INSRR: variants seen among roughly 807,000 people sequenced by gnomAD.
INSRR encodes the protein insulin receptor related receptor.
In INSRR, 114 loss-of-function variants were observed where a neutral mutation model predicts 130.0. The observed-to-expected ratio is 0.88, with a 90% CI of 0.75 to 1.02. The LOEUF (loss-of-function observed/expected upper bound fraction) is 1.02. Ranked by LOEUF, INSRR falls within the 50% of genes least tolerant of loss-of-function variation. INSRR has a pLI of 0.00. For missense variants in INSRR, 1,657 were observed against 1,735.2 expected (o/e 0.95, Z 0.80); for synonymous variants, 674 against 705.2 (o/e 0.96, Z 0.70).
At chr1:156,851,253 T>A in intron 5 of INSRR, 37 bp downstream of exon 5, 1 of 1,611,010 alleles carries the variant, frequency 6.2e-7, no homozygotes, top group Non-Finnish European at 8.5e-7. Context: ...GAGGAAGGAG[T>A]GTAATAGAAG....
chr1:156,841,916 A>G, intron 19 of INSRR, 122 bp from the exon 20 acceptor site: 2 of 1,575,188 alleles, frequency 1.3e-6, no homozygotes, highest in South Asian at 2.2e-5. Flanking sequence ...CCTGGAAAGT[A>G]GGGGCTCAAT....
At chr1:156,858,464 C>T in intron 1 of INSRR, 73 bp downstream of exon 1, 1 of 1,136,104 alleles carries the variant, frequency 8.8e-7, no homozygotes, top group South Asian at 1.2e-5. Flanking sequence ...GCTGTGGCTG[C>T]AAGCTCAGTT....
At position 156,854,343 on chromosome 1, in the gene INSRR, G is replaced by T. The variant is rs1655338633; in HGVS notation, c.86-40C>A. 6.5e-7 allele frequency: 1 copy of T among 1,547,716 alleles called. No homozygotes were observed. Among genetic ancestry groups the T allele is most frequent in the Non-Finnish European group, 8.7e-7 (1 of 1,146,102 alleles). ...GGCACGCAGCATTGAGTACAGCCCAGGCCAAATTCCCCATCCAGCCCTGGC... is the reference window on the plus strand; with the variant it reads ...GGCACGCAGCATTGAGTACAGCCCATGCCAAATTCCCCATCCAGCCCTGGC... On this transcript the variant is annotated intron_variant, in intron 1 of 21. Coordinates refer to ENST00000368195, the MANE Select transcript of INSRR (RefSeq NM_014215.3). The surrounding 1 kb of genome is among the most constrained non-coding windows in gnomAD (Gnocchi z 4.2).
chr1:156,841,375 G>A lies in INSRR; in HGVS notation c.3662+19C>T. 1.2e-6 allele frequency: 2 copies of A among 1,611,690 alleles called. No homozygotes were observed. The highest frequency in any genetic ancestry group is 1.7e-6 in the Non-Finnish European group (2 of 1,178,062). On this transcript the variant is annotated intron_variant, in intron 21 of 21. Coordinates refer to ENST00000368195, the MANE Select transcript of INSRR (RefSeq NM_014215.3). ...GTAGGTAGATCAACAATGAGGAAGG[G>A]GCAGGGGAGGTGACTCACAGCTGAA...
At position 156,841,405 on chromosome 1, in the gene INSRR, A is replaced by G; in HGVS notation, c.3651T>C (p.Cys1217=). Residue 1217 remains cysteine, a synonymous_variant, in exon 21 of 22, where the codon TGT becomes TGC. Transcript: ENST00000368195. ...GGGAGGTGACTCACAGCTGAAGGGG[A>G]CAGCCCTCCAGCTCCTCCAGGACCC... The part of the protein sequence containing the change: ...DGGVLEELEG[C]PLQLQELMSR... The G allele has an allele frequency of 2.5e-6, 4 of 1,613,464 alleles. 1 individual carries two copies. The highest frequency in any genetic ancestry group is 1.7e-5 in the Admixed American group (1 of 59,988).
At position 156,842,216 on chromosome 1, in the gene INSRR, T is replaced by C. The variant is rs1183916812; in HGVS notation, c.3293A>G (p.Glu1098Gly). ...ALGEMIQMAG[E>G]IADGMAYLAA... The stretch of plus-strand genomic sequence containing the variant: ...AAGGTAGGCCATGCCGTCTGCAATC[T>C]CACCAGCCATTTGGATCATTTCCCC... The change falls in exon 19 of 22, where the codon GAG becomes GGG. Residue 1098 changes from glutamate (E) to glycine (G), a missense_variant. Transcript: ENST00000368195. 1 of 1,613,970 alleles carries C rather than the reference T, an allele frequency of 6.2e-7. No homozygotes were observed. Among genetic ancestry groups the C allele is most frequent in the Non-Finnish European group, 8.5e-7 (1 of 1,179,988 alleles).
At chr1:156,851,597 G>A in intron 4 of INSRR, 49 bp downstream of exon 4, 2 of 1,613,398 alleles carry the variant, frequency 1.2e-6, no homozygotes, top group South Asian at 2.2e-5. Context: ...GTGTCTGGGA[G>A]GAAGGGTATG....
Position 156,857,157 on chromosome 1 carries a change from C to CTG in INSRR, c.85+1378_85+1379dup, listed in dbSNP as rs1327364524. 3.9e-3 allele frequency among the ~76,000 whole-genome samples: 471 copies of CTG among 121,356 alleles called. 3 individuals are homozygous for CTG. Among genetic ancestry groups the CTG allele is most frequent in the African/African-American group, 9.4e-3 (287 of 30,564 alleles). The allele number at this position is 121,356 out of a possible 152,430, so 79.6% of individuals were successfully genotyped here. ...TCCTGAGCTTGGCTCTGCCCAGCAG[C>CTG]TGTGTATGTGTGTGTGTGTGTGTGT... On this transcript the variant is annotated intron_variant, in intron 1 of 21. Transcript: ENST00000368195.
rs377388136 is a variant in INSRR, at chr1:156,853,989, C to T, written c.400G>A (p.Val134Met). The change falls in exon 2 of 22, where the codon GTG becomes ATG. Residue 134 changes from valine to methionine, a missense_variant. Coordinates refer to ENST00000368195, the MANE Select transcript of INSRR (RefSeq NM_014215.3). The part of the protein sequence containing the change: ...RDVALPALGA[V>M]LRGAVRVEKN... ...TCCACACGCACAGCCCCACGCAGCA[C>T]GGCCCCAAGTGCAGGCAGTGCCACG... 5.9e-5 allele frequency: 95 copies of T among 1,613,276 alleles called. No individual in the cohort carries two copies. The highest frequency in any genetic ancestry group is 2.0e-4 in the South Asian group (18 of 91,016).
At position 156,845,987 on chromosome 1, in the gene INSRR, T is replaced by C; in HGVS notation, c.1943A>G (p.Asp648Gly). The stretch of plus-strand genomic sequence containing the variant: ...GTAGTCATTGAGGTAGAGGTCGCCG[T>C]CCTCTGCCAGCCGCTGCCACAGCAC... ...YLVLWQRLAE[D>G]GDLYLNDYCH... Residue 648 changes from aspartate to glycine, a missense_variant, in exon 9 of 22, where the codon GAC becomes GGC. Physicochemically the swap from Asp to Gly is moderately conservative, Grantham distance 94. Transcript: ENST00000368195. 1 of 1,613,464 alleles carries C rather than the reference T, an allele frequency of 6.2e-7. No individual in the cohort carries two copies.
intron 1 of INSRR, among the ~76,000 whole-genome samples, chr1:156,856,172 G>T (rs1302805103): frequency 6.6e-6 from 1 of 152,072 alleles, no homozygotes; most frequent in Admixed American, 6.5e-5. Context: ...TTTATTTATA[G>T]AAATAGATAT....
Position 156,844,228 on chromosome 1 carries a change from C to A in INSRR, c.2790G>T (p.Gly930=). ...CAGCAAGAACGATGAGCAGCGTGAG[C>A]CCCACAGGGGTGGCAGTGAGGAGGA... ...LHVLLTATPV[G]LTLLIVLAAL... Residue 930 remains glycine, a synonymous_variant, in exon 15 of 22, where the codon GGG becomes GGT. Coordinates refer to ENST00000368195, the MANE Select transcript of INSRR (RefSeq NM_014215.3). 6.2e-7 allele frequency: 1 copy of A among 1,613,884 alleles called. No individual in the cohort carries two copies. The highest frequency in any genetic ancestry group is 8.5e-7 in the Non-Finnish European group (1 of 1,179,936).
chr1:156,858,920 A>C lies in INSRR; in HGVS notation c.-299T>G, dbSNP rs186399854. On this transcript the variant is annotated 5_prime_UTR_variant, in exon 1 of 22. In the 5' UTR this introduces an upstream ATG that the reference lacks. Transcript: ENST00000368195. ...GAGTCTCGGGCCTCCAGAGGGAGAA[A>C]ATGACACAGGGTTCTGAGCAAAAGG... 1.8e-3 allele frequency: 743 copies of C among 411,946 alleles called. 3 individuals are homozygous for C. Among genetic ancestry groups the C allele is most frequent in the Non-Finnish European group, 2.7e-3 (594 of 221,964 alleles). 25.5% of individuals were successfully genotyped at this position (411,946 alleles called of 1,614,324 possible).
chr1:156,850,116 G>C (rs1655150669), intron 5 of INSRR, among the ~76,000 whole-genome samples: 1 of 152,064 alleles, frequency 6.6e-6, no homozygotes, highest in South Asian at 2.1e-4. Flanking sequence ...TGCCCAGGCT[G>C]GTCTCTAACT....
At chr1:156,850,531 A>AT (rs1655167936) in intron 5 of INSRR, among the ~76,000 whole-genome samples, 14 of 96,994 alleles carry the variant, frequency 1.4e-4, no homozygotes, top group African/African-American at 3.9e-4. Flanking sequence ...AATTTAAAAC[A>AT]TTCTTTTTTT....
chr1:156,840,846 G>A lies in INSRR; in HGVS notation c.*27C>T, dbSNP rs537991249. The A allele has an allele frequency of 6.4e-7, 1 of 1,566,510 alleles. No individual in the cohort carries two copies. The highest frequency in any genetic ancestry group is 2.3e-5 in the East Asian group (1 of 44,406). On this transcript the variant is annotated 3_prime_UTR_variant, in exon 22 of 22. Coordinates refer to ENST00000368195, the MANE Select transcript of INSRR (RefSeq NM_014215.3). ...CGGGTCCCTTCCTGTCTCCCCATGG[G>A]AGGCCAGCCAGGGAATGAGGTGCCC... is the stretch of plus-strand genomic sequence containing the variant.
intron 1 of INSRR, among the ~76,000 whole-genome samples, chr1:156,855,947 G>T (rs1164486697): frequency 6.6e-6 from 1 of 151,876 alleles, no homozygotes; most frequent in Non-Finnish European, 1.5e-5. Flanking sequence ...GTTTGTATGT[G>T]TATAATATTT....
At chr1:156,851,259 A>C in intron 5 of INSRR, 31 bp downstream of exon 5, 1 of 1,613,296 alleles carries the variant, frequency 6.2e-7, no homozygotes, top group Non-Finnish European at 8.5e-7. Flanking sequence ...GGAGTGTAAT[A>C]GAAGGAGCTG....
chr1:156,853,187 C>G (rs986703655), intron 2 of INSRR, among the ~76,000 whole-genome samples: 4 of 152,158 alleles, frequency 2.6e-5, no homozygotes, highest in African/African-American at 9.7e-5. Context: ...CTCCTGCTCA[C>G]CCCCAACCTC....
Sources: gnomAD v4.1 joint callset for allele counts (sites outside exome capture counted in the v4.1 genomes callset) on GRCh38, gnomAD v4.1.1 for gene constraint, Gnocchi (gnomAD v3.1) non-coding constraint, MANE v1.5 for transcripts, NCBI Gene and HGNC (gene_info 2026-07-23, HGNC 2026-07-21) for gene names.